The following ZFR variants were observed in gnomAD, a reference collection of about 807,000 sequenced individuals.
The protein encoded by ZFR is zinc finger RNA binding protein.
A neutral mutation model predicts 130.7 loss-of-function variants in ZFR; 19 were observed. The ratio of observed to expected loss-of-function variants is 0.15; its 90% confidence interval spans 0.10 to 0.21. The LOEUF is 0.21. ZFR is among the 10% of genes least tolerant of loss of function. ZFR has a pLI of 1.00. For missense variants in ZFR, 872 were observed against 1,321.5 expected, an observed-to-expected ratio of 0.66 and a Z score of 5.27; for synonymous variants, 466 against 456.9, an observed-to-expected ratio of 1.02 and a Z score of -0.25.
chr5:32,420,342 T>C (rs1377617848), intron 2 of ZFR, among the ~76,000 whole-genome samples: 1 of 152,042 alleles, frequency 6.6e-6, no homozygotes, highest in East Asian at 1.9e-4. Flanking sequence ...CAATACATTA[T>C]ATAGTCACAC....
chr5:32,416,840 T>C (rs1185414586), intron 4 of ZFR, among the ~76,000 whole-genome samples: 1 of 151,536 alleles, frequency 6.6e-6, no homozygotes. Context: ...CCAATTCTAC[T>C]CTCTTACAAT....
At chr5:32,408,333 A>AAAAAAC (rs1753624270) in intron 5 of ZFR, among the ~76,000 whole-genome samples, 1 of 140,162 alleles carries the variant, frequency 7.1e-6, no homozygotes, top group Non-Finnish European at 1.5e-5. Flanking sequence ...AAAAAAAAAA[A>AAAAAAC]AAAACTAGAA....
At chr5:32,438,067 T>C (rs1176064929) in intron 2 of ZFR, among the ~76,000 whole-genome samples, 1 of 152,100 alleles carries the variant, frequency 6.6e-6, no homozygotes, top group Non-Finnish European at 1.5e-5. Flanking sequence ...ACACAGTCCA[T>C]CTTTGTCATC....
At chr5:32,409,695 C>T (rs931279206) in intron 5 of ZFR, among the ~76,000 whole-genome samples, 17 of 152,172 alleles carry the variant, frequency 1.1e-4, no homozygotes, top group Admixed American at 8.5e-4. Context: ...CATGAGCCAC[C>T]GCACCTGCAT....
At chr5:32,397,467 T>A in intron 9 of ZFR, 129 bp from the exon 10 acceptor site, 1 of 1,189,922 alleles carries the variant, frequency 8.4e-7, no homozygotes, top group Non-Finnish European at 1.2e-6. Flanking sequence ...ATTTTTTTTT[T>A]CCCCAGGACA....
intron 9 of ZFR, among the ~76,000 whole-genome samples, chr5:32,399,798 T>C (rs528612326): frequency 3.3e-5 from 5 of 152,056 alleles, no homozygotes; most frequent in Non-Finnish European, 5.9e-5. Context: ...GAAAATAATA[T>C]AAAAGTTAGC....
rs572274844 is a variant in ZFR at position 32,356,168 on chromosome 5, C to A, written c.3046-229G>T. Among the ~76,000 whole-genome samples, 41 of 151,340 alleles carry A rather than the reference C, an allele frequency of 2.7e-4. 1 individual carries two copies. Among genetic ancestry groups the A allele is most frequent in the South Asian group, 2.3e-3 (11 of 4,800 alleles). On this transcript the variant is annotated intron_variant, in intron 19 of 19. Transcript: ENST00000265069. ...TCTTAAACATTAAGTAAAAAAAAAA[C>A]CAAAAAACTTTAACACACACACAAA... is the stretch of plus-strand genomic sequence containing the variant.
At chr5:32,396,449 T>C (rs1352021779) in intron 10 of ZFR, among the ~76,000 whole-genome samples, 9 of 151,894 alleles carry the variant, frequency 5.9e-5, no homozygotes, top group Non-Finnish European at 1.0e-4. Context: ...AGTTAAAAAC[T>C]TCAAATACAG....
intron 14 of ZFR, among the ~76,000 whole-genome samples, chr5:32,386,333 T>C (rs1753046627): frequency 6.6e-6 from 1 of 152,144 alleles, no homozygotes; most frequent in Admixed American, 6.5e-5. Flanking sequence ...GAATCAACTA[T>C]ATAAAGCACT....
At chr5:32,444,204 C>T (rs1232172124) in intron 2 of ZFR, 25 bp downstream of exon 2, 1 of 1,593,248 alleles carries the variant, frequency 6.3e-7, no homozygotes, top group Non-Finnish European at 8.5e-7. Context: ...AAGGGGCGAA[C>T]AGAGAGAAGG....
intron 2 of ZFR, among the ~76,000 whole-genome samples, chr5:32,434,179 T>C (rs951202070): frequency 2.0e-5 from 3 of 152,270 alleles, no homozygotes; most frequent in Non-Finnish European, 1.5e-5. Context: ...TTCTAGTGAA[T>C]GACTAACTGA....
intron 2 of ZFR, among the ~76,000 whole-genome samples, chr5:32,420,431 C>T (rs146723007): frequency 0.012 from 1,749 of 152,052 alleles, 32 homozygotes; most frequent in African/African-American, 0.041. Flanking sequence ...AAAGAAAAAA[C>T]TGACCAAATT....
intron 2 of ZFR, among the ~76,000 whole-genome samples, chr5:32,423,154 G>A (rs368372987): frequency 6.6e-6 from 1 of 152,050 alleles, no homozygotes; most frequent in African/African-American, 2.4e-5. Flanking sequence ...GCAACATAGT[G>A]AGACTCCATC....
At chr5:32,371,094 G>A (rs1445578183) in intron 17 of ZFR, among the ~76,000 whole-genome samples, 1 of 152,222 alleles carries the variant, frequency 6.6e-6, no homozygotes, top group Non-Finnish European at 1.5e-5. Flanking sequence ...TTAGGGCCAG[G>A]CATGTTGGCT....
chr5:32,437,718 T>C (rs898926888), intron 2 of ZFR, among the ~76,000 whole-genome samples: 4 of 152,134 alleles, frequency 2.6e-5, no homozygotes, highest in African/African-American at 4.8e-5. Context: ...TTTTAACAAA[T>C]ACATCTATTT....
chr5:32,367,287 T>C (rs140349856), intron 17 of ZFR, among the ~76,000 whole-genome samples: 2,546 of 151,864 alleles, frequency 0.017, 37 homozygotes, highest in Non-Finnish European at 0.026. Context: ...CACAAAAAAT[T>C]AGCCGGGTGT....
chr5:32,401,119 T>C (rs1183361589), intron 8 of ZFR, among the ~76,000 whole-genome samples: 1 of 152,228 alleles, frequency 6.6e-6, no homozygotes, highest in African/African-American at 2.4e-5. Flanking sequence ...TTATCATCAA[T>C]TAAACTTAAC....
At chr5:32,374,284 T>A (rs1347772587) in intron 17 of ZFR, among the ~76,000 whole-genome samples, 3 of 152,078 alleles carry the variant, frequency 2.0e-5, no homozygotes, top group African/African-American at 7.2e-5. Context: ...GGTGGGCGGA[T>A]CACTTGAGGT....
At chr5:32,360,391 C>G (rs1011359191) in intron 19 of ZFR, among the ~76,000 whole-genome samples, 12 of 152,182 alleles carry the variant, frequency 7.9e-5, no homozygotes, top group African/African-American at 2.9e-4. Context: ...TCCCCAACCC[C>G]TCTATCCTTA....
Sources: allele counts gnomAD v4.1 joint callset (sites outside exome capture counted in the v4.1 genomes callset), GRCh38; gene constraint gnomAD v4.1.1; transcripts MANE v1.5; gene names NCBI Gene and HGNC (gene_info 2026-07-23, HGNC 2026-07-21).